DDX11: variants seen among roughly 807,000 people sequenced by gnomAD.
DDX11 encodes ATP-dependent DNA helicase DDX11.
A neutral mutation model predicts 125.2 loss-of-function variants in DDX11; 72 were observed. That is an observed-to-expected ratio of 0.58 (90% CI 0.48 to 0.70). DDX11 has a LOEUF of 0.70. DDX11 is among the 30% of genes least tolerant of loss of function. The pLI is 0.00. For missense variants in DDX11, 883 were observed against 1,165.0 expected, an observed-to-expected ratio of 0.76 and a Z score of 3.52; for synonymous variants, 347 against 452.6, an observed-to-expected ratio of 0.77 and a Z score of 2.96.
At chr12:31,100,906 C>G (rs897645888) in intron 19 of DDX11, 121 bp from the exon 20 acceptor site, 2 of 1,117,260 alleles carry the variant, frequency 1.8e-6, no homozygotes, top group Admixed American at 3.4e-5. Flanking sequence ...TGATGGTGGG[C>G]GGGTGAGCGC....
Position 31,104,127 on chromosome 12 carries a change from T to C in DDX11, c.*291T>C, listed in dbSNP as rs1046459. The stretch of plus-strand genomic sequence containing the variant: ...CATCCTGCATGGCTGAGAGCCAGGC[T>C]TCCTTCCTGGTCTCCGCAGGAGGCT... On this transcript the variant is annotated 3_prime_UTR_variant, in exon 27 of 27. Transcript: ENST00000542838. 3.4e-6 allele frequency: 5 copies of C among 1,482,508 alleles called. No homozygotes were observed. The highest frequency in any genetic ancestry group is 2.5e-5 in the East Asian group (1 of 40,456). 91.8% of individuals were successfully genotyped at this position (1,482,508 alleles called of 1,614,324 possible).
In DDX11 at chr12:31,093,234, C is replaced by T. The variant is rs1944555380; in HGVS notation, c.1290-11C>T. On this transcript the variant is annotated splice_polypyrimidine_tract_variant and intron_variant, in intron 11 of 26. Transcript: ENST00000542838. ...GGCACCACCACTTAATGTCCGTTGGCTTCTTCTCAGGAAGCGTTTGAAGGC... is the reference window on the plus strand; with the variant it reads ...GGCACCACCACTTAATGTCCGTTGGTTTCTTCTCAGGAAGCGTTTGAAGGC... 2 of 1,610,976 alleles carry T rather than the reference C, an allele frequency of 1.2e-6. No individual in the cohort carries two copies. Among genetic ancestry groups the T allele is most frequent in the East Asian group, 2.2e-5 (1 of 44,836 alleles).
In DDX11 at chr12:31,089,959, C is replaced by T. The variant is rs756028512; in HGVS notation, c.954C>T (p.Tyr318=). Residue 318 remains tyrosine, a synonymous_variant, in exon 9 of 27, where the codon TAC becomes TAT. Coordinates refer to ENST00000542838, the MANE Select transcript of DDX11 (RefSeq NM_030653.4). The part of the protein sequence containing the change: ...RQEKQAACPF[Y]NHEQMGLLRD... ...AGAAGCAGGCAGCCTGCCCCTTCTA[C>T]AACCACGAGCAGATGGGCCTTCTCC... 1 of 1,598,604 alleles carries T rather than the reference C, an allele frequency of 6.3e-7. No homozygotes were observed.
intron 2 of DDX11, among the ~76,000 whole-genome samples, chr12:31,079,120 T>C (rs538472764): frequency 6.6e-6 from 1 of 152,362 alleles, no homozygotes; most frequent in African/African-American, 2.4e-5. Flanking sequence ...AATATAATTC[T>C]AAGTTTTAGT....
chr12:31,074,443 A>G (rs1311894557), intron 1 of DDX11: 1 of 152,244 alleles, frequency 6.6e-6, no homozygotes, highest in Non-Finnish European at 1.5e-5. Flanking sequence ...CAGAGCCGAT[A>G]AAGTTAGCTG....
chr12:31,078,116 G>A (rs1941058328), intron 1 of DDX11: 2 of 1,126,344 alleles, frequency 1.8e-6, no homozygotes, highest in South Asian at 1.3e-5. Context: ...AGGTATCGGA[G>A]CCACGGTGAA....
intron 17 of DDX11, among the ~76,000 whole-genome samples, chr12:31,097,270 C>G (rs1289355909): frequency 6.6e-6 from 1 of 151,802 alleles, no homozygotes; most frequent in Non-Finnish European, 1.5e-5. Context: ...GGCAGGGGTC[C>G]TAGGGAAACT....
At chr12:31,078,360 G>C in intron 1 of DDX11, 30 bp from the exon 2 acceptor site, 1 of 1,599,332 alleles carries the variant, frequency 6.3e-7, no homozygotes, top group Non-Finnish European at 8.5e-7. Flanking sequence ...CCATGAGAGA[G>C]CTCCCTAATG....
At chr12:31,100,837 G>C in intron 19 of DDX11, 130 bp downstream of exon 19, 3 of 1,130,386 alleles carry the variant, frequency 2.7e-6, no homozygotes, top group South Asian at 1.3e-5. Flanking sequence ...CTCACCCTTC[G>C]TGCGCTCGCC....
At position 31,096,839 on chromosome 12, in the gene DDX11, C is replaced by A. The variant is rs117287945; in HGVS notation, c.1631-20C>A. ...GGACCTGACCAGAGGGAGGCCTCCT[C>A]CCCGTTCTGCTCTGTGCAGCTCTTG... is the stretch of plus-strand genomic sequence containing the variant. On this transcript the variant is annotated intron_variant, in intron 16 of 26. Coordinates refer to ENST00000542838, the MANE Select transcript of DDX11 (RefSeq NM_030653.4). 1 of 1,614,200 alleles carries A rather than the reference C, an allele frequency of 6.2e-7. No homozygotes were observed. Among genetic ancestry groups the A allele is most frequent in the Non-Finnish European group, 8.5e-7 (1 of 1,180,042 alleles).
At position 31,102,098 on chromosome 12, in the gene DDX11, C is replaced by A. The variant is rs115762880; in HGVS notation, c.2202+116C>A. The A allele has an allele frequency of 1.6e-3, 2,194 of 1,369,010 alleles. 40 individuals are homozygous for A. The African/African-American group carries it at 0.032, about 20-fold the overall frequency. The allele number at this position is 1,369,010 out of a possible 1,614,324, so 84.8% of individuals were successfully genotyped here. A position where few individuals can be genotyped will look rare whatever the true frequency, so the allele number is the denominator to read the frequency against. ...TTCTGGCTCCTCATCCCCACCGCTC[C>A]CAGTCCCTGACTACAGAGGATTTCC... On this transcript the variant is annotated intron_variant, in intron 21 of 26. Coordinates refer to ENST00000542838, the MANE Select transcript of DDX11 (RefSeq NM_030653.4).
At chr12:31,077,844 GAAA>G (rs368776702) in intron 1 of DDX11, 95,236 of 172,894 alleles carry the variant, frequency 0.55, 24,680 homozygotes, top group East Asian at 0.77. Context: ...ACTCTGTCTC[GAAA>G]AAAAAAAAAA....
At chr12:31,097,200 C>G (rs1945411535) in intron 17 of DDX11, among the ~76,000 whole-genome samples, 1 of 145,348 alleles carries the variant, frequency 6.9e-6, no homozygotes, top group East Asian at 1.9e-4. Flanking sequence ...GTCCCGTGAC[C>G]AGGGTAAGCA....
At chr12:31,085,205 A>G in intron 5 of DDX11, 79 bp downstream of exon 5, 1 of 1,501,004 alleles carries the variant, frequency 6.7e-7, no homozygotes, top group South Asian at 1.2e-5. Context: ...CATGCCACAG[A>G]TGCCATGAAG....
chr12:31,078,736 A>G (rs1220029502), intron 2 of DDX11, among the ~76,000 whole-genome samples, 199 bp downstream of exon 2: 1 of 145,818 alleles, frequency 6.9e-6, no homozygotes, highest in African/African-American at 2.5e-5. Flanking sequence ...CGCCCAGGCC[A>G]GAGTGCAGTG....
At chr12:31,087,121 G>A (rs1260099822) in intron 5 of DDX11, among the ~76,000 whole-genome samples, 1 of 150,172 alleles carries the variant, frequency 6.7e-6, no homozygotes. Context: ...ATGGGATGCA[G>A]GGCTGGCTTC....
At chr12:31,100,037 C>A (rs1408899845) in intron 18 of DDX11, among the ~76,000 whole-genome samples, 1 of 152,180 alleles carries the variant, frequency 6.6e-6, no homozygotes, top group East Asian at 1.9e-4. Context: ...GGAGCTTATC[C>A]AACCAGTACC....
chr12:31,087,713 C>G (rs1943402208), intron 5 of DDX11: 3 of 714,696 alleles, frequency 4.2e-6, no homozygotes, highest in Admixed American at 4.2e-5. Context: ...GGGTGCTGAG[C>G]CCCTTTCTCC....
chr12:31,089,097 G>A lies in DDX11; in HGVS notation c.738G>A (p.Val246=). ...HSQLAQFVHE[V]KKSPFGKDVR... ...AGCTGGCCCAGTTTGTGCATGAGGTGAAGAAGAGCCCCTTTGGCAAGGATG... is the reference window on the plus strand; with the variant it reads ...AGCTGGCCCAGTTTGTGCATGAGGTAAAGAAGAGCCCCTTTGGCAAGGATG... Residue 246 remains valine, a synonymous_variant, in exon 7 of 27, where the codon GTG becomes GTA. Coordinates refer to ENST00000542838, the MANE Select transcript of DDX11 (RefSeq NM_030653.4). The A allele has an allele frequency of 6.2e-7, 1 of 1,614,024 alleles. No individual in the cohort carries two copies. Among genetic ancestry groups the A allele is most frequent in the Admixed American group, 1.7e-5 (1 of 60,022 alleles).
Sources: allele counts gnomAD v4.1 joint callset (sites outside exome capture counted in the v4.1 genomes callset), GRCh38; gene constraint gnomAD v4.1.1; transcripts MANE v1.5; gene names NCBI Gene and HGNC (gene_info 2026-07-23, HGNC 2026-07-21).